CA10: variants seen among roughly 807,000 people sequenced by gnomAD.
The protein encoded by CA10 is carbonic anhydrase 10 (inactive).
Under a neutral mutation model 44.2 loss-of-function variants are expected in CA10, and 14 were observed. The observed-to-expected ratio is 0.32, with a 90% confidence interval of 0.21 to 0.50. CA10 has a LOEUF of 0.50. Among genes scored for constraint, CA10 ranks in the 20% least tolerant of loss-of-function variants. CA10 has a pLI of 0.99. For missense variants in CA10, 350 were observed against 409.7 expected, an observed-to-expected ratio of 0.85 and a Z score of 1.26; for synonymous variants, 159 against 141.6, an observed-to-expected ratio of 1.12 and a Z score of -0.87.
At chr17:52,140,414 T>C (rs1408647625) in intron 1 of CA10, among the ~76,000 whole-genome samples, 1 of 152,212 alleles carries the variant, frequency 6.6e-6, no homozygotes, top group Non-Finnish European at 1.5e-5. Context: ...AAATAGATAC[T>C]AGACAGTACA....
At chr17:51,944,301 C>T (rs369527546) in intron 2 of CA10, among the ~76,000 whole-genome samples, 1 of 152,122 alleles carries the variant, frequency 6.6e-6, no homozygotes, top group Admixed American at 6.5e-5. Flanking sequence ...ATATGTTTAT[C>T]AGACATGGGG....
At chr17:51,710,676 T>A (rs1020428902) in intron 4 of CA10, among the ~76,000 whole-genome samples, 2 of 151,976 alleles carry the variant, frequency 1.3e-5, no homozygotes, top group African/African-American at 4.8e-5. Flanking sequence ...CTGCAAAACA[T>A]CCCCCGACTG....
intron 2 of CA10, among the ~76,000 whole-genome samples, chr17:52,045,309 T>G (rs368021564): frequency 6.6e-6 from 1 of 152,074 alleles, no homozygotes; most frequent in Non-Finnish European, 1.5e-5. Flanking sequence ...TTCAAAGAAC[T>G]ATTTAAGGAG....
At chr17:51,931,915 C>A (rs1445292844) in intron 2 of CA10, among the ~76,000 whole-genome samples, 2 of 152,130 alleles carry the variant, frequency 1.3e-5, no homozygotes, top group African/African-American at 4.8e-5. Context: ...GGGGAGCCAA[C>A]CTACTAATTT....
chr17:51,704,338 T>C (rs1054816352), intron 4 of CA10, among the ~76,000 whole-genome samples: 2 of 152,216 alleles, frequency 1.3e-5, no homozygotes, highest in African/African-American at 2.4e-5. Context: ...AAGCACACAA[T>C]TGAAACAATG....
At chr17:51,976,674 G>T (rs116070281) in intron 2 of CA10, among the ~76,000 whole-genome samples, 1,644 of 151,644 alleles carry the variant, frequency 0.011, 25 homozygotes, top group African/African-American at 0.038. Context: ...AAAAGCAATG[G>T]TCTAAGATTT....
chr17:51,717,553 A>G (rs181892327), intron 4 of CA10, among the ~76,000 whole-genome samples: 1 of 87,772 alleles, frequency 1.1e-5, no homozygotes, highest in African/African-American at 3.4e-5. Flanking sequence ...ATATATATAT[A>G]TATATATAAT....
At chr17:51,687,982 A>G (rs1214823124) in intron 4 of CA10, among the ~76,000 whole-genome samples, 1 of 152,198 alleles carries the variant, frequency 6.6e-6, no homozygotes, top group African/African-American at 2.4e-5. Flanking sequence ...TAAGTAAATG[A>G]CAGTGTGCGA....
chr17:51,824,438 C>T (rs1567852098), intron 3 of CA10, among the ~76,000 whole-genome samples: 1 of 152,192 alleles, frequency 6.6e-6, no homozygotes, highest in Non-Finnish European at 1.5e-5. Context: ...AAATAAATAA[C>T]ATTGTAATGT....
chr17:51,970,340 GAA>G (rs1239129498), intron 2 of CA10, among the ~76,000 whole-genome samples: 2 of 149,004 alleles, frequency 1.3e-5, no homozygotes, highest in African/African-American at 4.9e-5. Flanking sequence ...CTTCAGGAAA[GAA>G]AAAAAAAGTC....
chr17:51,765,632 T>C (rs2143645864), intron 3 of CA10, among the ~76,000 whole-genome samples: 1 of 152,056 alleles, frequency 6.6e-6, no homozygotes. Flanking sequence ...CCAAGAAGGC[T>C]GGTTATTCCT....
chr17:51,670,792 G>A (rs982100683), intron 4 of CA10, among the ~76,000 whole-genome samples: 4 of 152,130 alleles, frequency 2.6e-5, no homozygotes, highest in Admixed American at 6.6e-5. Flanking sequence ...AAAAATCGAC[G>A]TATGAGAACC....
intron 2 of CA10, among the ~76,000 whole-genome samples, chr17:51,957,134 G>A (rs1427296976): frequency 2.0e-5 from 3 of 152,140 alleles, no homozygotes; most frequent in Admixed American, 2.0e-4. Context: ...CAGGAATAGA[G>A]GGTAATAGAT....
chr17:52,020,009 C>T (rs548754423), intron 2 of CA10, among the ~76,000 whole-genome samples: 1 of 151,972 alleles, frequency 6.6e-6, no homozygotes, highest in African/African-American at 2.4e-5. Context: ...CAGTCTCCTA[C>T]TATAATTATA....
intron 3 of CA10, among the ~76,000 whole-genome samples, chr17:51,753,702 C>G (rs62061830): frequency 0.18 from 26,628 of 152,114 alleles, 2,607 homozygotes; most frequent in East Asian, 0.28. Flanking sequence ...AGGCCTCCCA[C>G]AGGGCATACC....
At chr17:51,865,296 G>T (rs1057305328) in intron 3 of CA10, among the ~76,000 whole-genome samples, 2 of 152,128 alleles carry the variant, frequency 1.3e-5, no homozygotes, top group Non-Finnish European at 2.9e-5. Flanking sequence ...CTCCATGAAG[G>T]CAAGTGTTTT....
intron 3 of CA10, among the ~76,000 whole-genome samples, chr17:51,913,847 A>G (rs868136023): frequency 2.6e-5 from 4 of 152,128 alleles, no homozygotes; most frequent in South Asian, 2.1e-4. Flanking sequence ...ACTGAGGGTC[A>G]CCCTTGAATT....
chr17:51,904,449 CAATT>C (rs1981454450), intron 3 of CA10, among the ~76,000 whole-genome samples: 1 of 152,064 alleles, frequency 6.6e-6, no homozygotes, highest in African/African-American at 2.4e-5. Context: ...GCTGAATACT[CAATT>C]AGCCACTGCA....
intron 2 of CA10, among the ~76,000 whole-genome samples, chr17:52,006,473 A>G (rs1011550201): frequency 9.9e-5 from 15 of 151,836 alleles, no homozygotes; most frequent in Non-Finnish European, 2.1e-4. Context: ...TTGTGAGAAA[A>G]AGGCAAATGT....
Sources: allele counts gnomAD v4.1 joint callset (sites outside exome capture counted in the v4.1 genomes callset), GRCh38; gene constraint gnomAD v4.1.1; transcripts MANE v1.5; gene names NCBI Gene and HGNC (gene_info 2026-07-23, HGNC 2026-07-21).